Variants in HDAC5 observed in about 807,000 individuals in gnomAD.
HDAC5 encodes the protein antigen NY-CO-9.
HDAC5 carries 25 observed loss-of-function variants against 133.3 expected under a neutral mutation model. The observed-to-expected ratio is 0.19, with a 90% CI of 0.14 to 0.26. The LOEUF (loss-of-function observed/expected upper bound fraction) is 0.26, where lower values mean the gene tolerates loss of function less well. HDAC5 is among the 10% of genes least tolerant of loss of function. The probability of loss-of-function intolerance (pLI) is 1.00; values close to 1 mark genes in which losing one functional copy is unlikely to be tolerated. For synonymous variants in HDAC5, 589 were observed against 610.8 expected (o/e 0.96, Z 0.53); for missense variants, 1,041 against 1,460.5 (o/e 0.71, Z 4.68).
At position 44,087,492 on chromosome 17, in the gene HDAC5, T is replaced by G. The variant is rs766600017; in HGVS notation, c.1804A>C (p.Ile602Leu). The change falls in exon 13 of 27, where the codon ATC (isoleucine) becomes CTC (leucine). Residue 602 changes from isoleucine to leucine, a missense_variant. Around this residue, in one of 9 missense-constraint regions of HDAC5, gnomAD observed 433 missense variants for 531.6 expected, o/e 0.81. Coordinates refer to ENST00000682912, the MANE Select transcript of HDAC5 (RefSeq NM_005474.5). The part of the protein sequence containing the change: ...EDDGEEEEDC[I>L]QVKDEEGESG... ...TCGCCCTCCTCGTCCTTAACCTGGA[T>G]GCAATCCTCCTCCTCCTCCCCATCG... The G allele has an allele frequency of 5.7e-6, 9 of 1,582,920 alleles. No individual in the cohort carries two copies. Among genetic ancestry groups the G allele is most frequent in the Non-Finnish European group, 4.3e-6 (5 of 1,151,714 alleles).
In HDAC5 at chr17:44,100,182, C is replaced by T. The variant is rs373646205; in HGVS notation, c.95-6348G>A. Among the ~76,000 whole-genome samples the T allele has an allele frequency of 6.8e-4, 103 of 152,292 alleles. No homozygotes were observed. The South Asian group carries it at 0.021, about 31-fold the overall frequency. ...CAAGAATTCACAATAAAAAACAGAT[C>T]TAGCTTCCCAAGAGCAAGGCCAAGC... is the stretch of plus-strand genomic sequence containing the variant. On this transcript the variant is annotated intron_variant, in intron 3 of 26. Coordinates refer to ENST00000682912, the MANE Select transcript of HDAC5 (RefSeq NM_005474.5).
intron 24 of HDAC5, 40 bp from the exon 25 acceptor site, chr17:44,078,919 G>C: frequency 6.2e-7 from 1 of 1,600,014 alleles, no homozygotes; most frequent in Non-Finnish European, 8.6e-7. Context: ...GTGGGGAGTA[G>C]GGTTGCCATG....
At position 44,092,188 on chromosome 17, in the gene HDAC5, G is replaced by A. The variant is rs1416456820; in HGVS notation, c.1016C>T (p.Pro339Leu). ...IAENGFTGSVPNIPTEMLPQH... is the reference protein window; with the variant it reads ...IAENGFTGSVLNIPTEMLPQH... ...GGCCTGTACCTCAGTGGGGATGTTG[G>A]GGACTGAGCCAGTAAAGCCATTCTC... Residue 339 changes from proline to leucine, a missense_variant, in exon 9 of 27, where the codon CCC becomes CTC. Coordinates refer to ENST00000682912, the MANE Select transcript of HDAC5 (RefSeq NM_005474.5). The A allele has an allele frequency of 6.2e-7, 1 of 1,613,944 alleles. No individual in the cohort carries two copies. The highest frequency in any genetic ancestry group is 8.5e-7 in the Non-Finnish European group (1 of 1,179,904).
Position 44,102,667 on chromosome 17 carries a change from C to CT in HDAC5, c.94+8061dup, listed in dbSNP as rs33983305. Among the ~76,000 whole-genome samples, 163 of 130,070 alleles carry CT rather than the reference C, an allele frequency of 1.3e-3. 1 individual carries two copies. The highest frequency in any genetic ancestry group is 4.6e-3 in the East Asian group (20 of 4,390). 85.3% of individuals were successfully genotyped at this position (130,070 alleles called of 152,430 possible). A position where few individuals can be genotyped will look rare whatever the true frequency, so the allele number is the denominator to read the frequency against. On this transcript the variant is annotated intron_variant, in intron 3 of 26. Transcript: ENST00000682912. Reference sequence around the variant, plus strand: ...AGCCATATGCCCGGCCAGGTTCTCTCTTTTTTTTTTTTTTTTGGAGACAGT... The same window carrying CT: ...AGCCATATGCCCGGCCAGGTTCTCTCTTTTTTTTTTTTTTTTTGGAGACAGT...
At chr17:44,108,379 C>T (rs1308325500) in intron 3 of HDAC5, among the ~76,000 whole-genome samples, 2 of 152,190 alleles carry the variant, frequency 1.3e-5, no homozygotes, top group Non-Finnish European at 2.9e-5. Flanking sequence ...GTGCCAGGCA[C>T]TGTGCTAGGT....
At chr17:44,108,969 G>A (rs1431810277) in intron 3 of HDAC5, among the ~76,000 whole-genome samples, 2 of 152,096 alleles carry the variant, frequency 1.3e-5, no homozygotes, top group African/African-American at 4.8e-5. Context: ...GGAGTGGGGA[G>A]ACAGGGATCT....
chr17:44,081,375 G>A (rs1393055101), intron 20 of HDAC5, among the ~76,000 whole-genome samples: 8 of 145,694 alleles, frequency 5.5e-5, no homozygotes, highest in East Asian at 4.2e-4. Flanking sequence ...TCAGCCTCCC[G>A]AGTAGCTGGG....
intron 3 of HDAC5, among the ~76,000 whole-genome samples, chr17:44,103,771 C>A (rs1405833374): frequency 6.6e-6 from 1 of 151,434 alleles, no homozygotes; most frequent in South Asian, 2.1e-4. Flanking sequence ...TGCAATGGCA[C>A]GATCTCGGCT....
At chr17:44,090,847 G>A (rs1233077924) in intron 11 of HDAC5, among the ~76,000 whole-genome samples, 1 of 151,846 alleles carries the variant, frequency 6.6e-6, no homozygotes, top group Non-Finnish European at 1.5e-5. Context: ...CCACCACCAC[G>A]CCCGGCTAAT....
At chr17:44,107,829 C>G (rs182805659) in intron 3 of HDAC5, among the ~76,000 whole-genome samples, 1 of 152,120 alleles carries the variant, frequency 6.6e-6, no homozygotes, top group Non-Finnish European at 1.5e-5. Context: ...TTCCCAGTGT[C>G]CATAGCATTC....
At chr17:44,102,717 G>A (rs111361385) in intron 3 of HDAC5, among the ~76,000 whole-genome samples, 1,851 of 142,422 alleles carry the variant, frequency 0.013, 39 homozygotes, top group African/African-American at 0.045. Context: ...GCTGGAGTGC[G>A]GTGGGGTGGG....
At position 44,117,594 on chromosome 17, in the gene HDAC5, C is replaced by T; in HGVS notation, c.-79G>A. On this transcript the variant is annotated 5_prime_UTR_variant, in exon 2 of 27. Transcript: ENST00000682912. The surrounding 1 kb of genome is among the most constrained non-coding windows in gnomAD (Gnocchi z 4.2). ...GGAGCTGCGGTGATGTCAAGAGAGA[C>T]AGACGATAACAGACAGACGGACGGG... is the stretch of plus-strand genomic sequence containing the variant. The T allele has an allele frequency of 6.6e-7, 1 of 1,505,240 alleles. No homozygotes were observed. Among genetic ancestry groups the T allele is most frequent in the Non-Finnish European group, 9.2e-7 (1 of 1,089,074 alleles). 93.2% of individuals were successfully genotyped at this position (1,505,240 alleles called of 1,614,324 possible).
chr17:44,100,254 C>A (rs1361721098), intron 3 of HDAC5, among the ~76,000 whole-genome samples: 1 of 152,094 alleles, frequency 6.6e-6, no homozygotes, highest in Admixed American at 6.6e-5. Context: ...CAGGTCCAAG[C>A]CCCCTCTCAG....
At position 44,078,503 on chromosome 17, in the gene HDAC5, G is replaced by T. The variant is rs765173953; in HGVS notation, c.3326C>A (p.Pro1109His). 1.2e-6 allele frequency: 2 copies of T among 1,607,074 alleles called. No homozygotes were observed. The highest frequency in any genetic ancestry group is 3.4e-5 in the Admixed American group (2 of 59,226). The change falls in exon 26 of 27, where the codon CCC (proline) becomes CAC (histidine). Residue 1109 changes from proline to histidine, a missense_variant. Pro to His is a moderately conservative substitution (Grantham distance 77). Coordinates refer to ENST00000682912, the MANE Select transcript of HDAC5 (RefSeq NM_005474.5). ...AQAAAAREHS[P>H]RPAEEPMEQE... is the part of the protein sequence containing the mutation. ...GGTGGTGCGGGTTGCTGCTTACCTG[G>T]GGCTGTGTTCCCGGGCTGCCGCAGC...
Position 44,085,091 on chromosome 17 carries a change from A to T in HDAC5, c.2115T>A (p.Pro705=). 12 of 1,605,090 alleles carry T rather than the reference A, an allele frequency of 7.5e-6. No individual in the cohort carries two copies. Among genetic ancestry groups the T allele is most frequent in the Non-Finnish European group, 1.0e-5 (12 of 1,172,556 alleles). Residue 705 remains proline (P), a synonymous_variant, in exon 15 of 27, where the codon CCT becomes CCA. Transcript: ENST00000682912. ...TGCTCTGGATCCGGCCAGCATGCTC[A>T]GGGTGCACGTGTGTGTTCCCGCACA... ...QCMCGNTHVH[P]EHAGRIQSIW...
In HDAC5 at chr17:44,092,813, TG is replaced by T. The variant is rs67111880; in HGVS notation, c.642-8del. The T allele has an allele frequency of 0.8, 326,763 of 409,176 alleles. 123,019 individuals carry two copies. Among genetic ancestry groups the T allele is most frequent in the Middle Eastern group, 0.9 (2,115 of 2,362 alleles). The allele number at this position is 409,176 out of a possible 1,614,324, so 25.3% of individuals were successfully genotyped here. A position where few individuals can be genotyped will look rare whatever the true frequency, so the allele number is the denominator to read the frequency against. On this transcript the variant is annotated splice_region_variant and splice_polypyrimidine_tract_variant and intron_variant, in intron 6 of 26. Transcript: ENST00000682912. ...AGAAGCATGGTGGGCTCCCCTGGGG[TG>T]GGGGGGGGGTGGGGATGGAAGCAGA...
intron 12 of HDAC5, 88 bp downstream of exon 12, chr17:44,088,299 C>A: frequency 6.7e-7 from 1 of 1,489,044 alleles, no homozygotes; most frequent in South Asian, 1.3e-5. Flanking sequence ...CCGTGTCTGG[C>A]CTGAAAGGAG....
chr17:44,080,732 G>A, intron 21 of HDAC5, 31 bp downstream of exon 21: 2 of 1,614,154 alleles, frequency 1.2e-6, no homozygotes, highest in Admixed American at 3.3e-5. Context: ...GAGGGGCCAG[G>A]AGGGTCTGCA....
At chr17:44,113,415 G>C (rs1232559176) in intron 2 of HDAC5, among the ~76,000 whole-genome samples, 1 of 152,196 alleles carries the variant, frequency 6.6e-6, no homozygotes, top group Non-Finnish European at 1.5e-5. Context: ...AAAATCCTCA[G>C]TGCAATTCCC....
Sources: allele counts gnomAD v4.1 joint callset (sites outside exome capture counted in the v4.1 genomes callset), GRCh38; gene constraint gnomAD v4.1.1; regional missense constraint gnomAD v4.1.1; non-coding constraint Gnocchi (gnomAD v3.1); transcripts MANE v1.5; gene names NCBI Gene and HGNC (gene_info 2026-07-23, HGNC 2026-07-21).